Variants in ANKS1B observed in about 807,000 individuals in gnomAD.
ANKS1B encodes ankyrin repeat and sterile alpha motif domain-containing protein 1B.
A neutral mutation model predicts 148.3 loss-of-function variants in ANKS1B; 36 were observed. That is an observed-to-expected ratio of 0.24 (90% CI 0.19 to 0.32). The LOEUF (loss-of-function observed/expected upper bound fraction) is 0.32, where lower values mean the gene tolerates loss of function less well. Ranked by LOEUF, ANKS1B falls within the 10% of genes least tolerant of loss-of-function variation. The pLI is 1.00. For synonymous variants in ANKS1B, 542 were observed against 560.8 expected (o/e 0.97, Z 0.47); for missense variants, 1,157 against 1,542.6 (o/e 0.75, Z 4.19).
chr12:98,950,151 A>G (rs570856302), intron 17 of ANKS1B, among the ~76,000 whole-genome samples: 115 of 152,346 alleles, frequency 7.5e-4, no homozygotes, highest in Non-Finnish European at 1.1e-3. Context: ...AGTAACTCCC[A>G]AGGGTTCAAC....
At chr12:99,630,978 A>G (rs187821826) in intron 9 of ANKS1B, among the ~76,000 whole-genome samples, 30 of 152,270 alleles carry the variant, frequency 2.0e-4, no homozygotes, top group African/African-American at 6.7e-4. Context: ...ATGATAGTGA[A>G]TAAGTCTCAA....
At chr12:98,757,405 GGTTT>G (rs1467265738) in intron 25 of ANKS1B, among the ~76,000 whole-genome samples, 1 of 152,222 alleles carries the variant, frequency 6.6e-6, no homozygotes, top group Admixed American at 6.5e-5. Context: ...ATTTTGGGGT[GGTTT>G]ATTACGCAGC....
At chr12:99,593,094 A>C (rs756947731) in intron 9 of ANKS1B, among the ~76,000 whole-genome samples, 11 of 152,246 alleles carry the variant, frequency 7.2e-5, no homozygotes, top group Middle Eastern at 3.4e-3. Context: ...TCAGATTTAA[A>C]GAGTCTGTTC....
intron 14 of ANKS1B, among the ~76,000 whole-genome samples, chr12:99,238,501 AG>A (rs2088521392): frequency 6.6e-6 from 1 of 152,210 alleles, no homozygotes; most frequent in Non-Finnish European, 1.5e-5. Context: ...AAAAGGCAGC[AG>A]ACAGTTTCTG....
chr12:99,045,470 T>C (rs769136438), intron 17 of ANKS1B, among the ~76,000 whole-genome samples: 1 of 152,184 alleles, frequency 6.6e-6, no homozygotes, highest in Non-Finnish European at 1.5e-5. Flanking sequence ...CTCTAACCAC[T>C]GGTTGCAGTA....
intron 9 of ANKS1B, among the ~76,000 whole-genome samples, chr12:99,526,444 G>T (rs1476018814): frequency 6.6e-6 from 1 of 152,096 alleles, no homozygotes; most frequent in Non-Finnish European, 1.5e-5. Context: ...TCTAAAAAAT[G>T]CTAAATGCTG....
chr12:98,794,187 T>A (rs1196227632), intron 22 of ANKS1B, among the ~76,000 whole-genome samples: 1 of 151,092 alleles, frequency 6.6e-6, no homozygotes, highest in East Asian at 1.9e-4. Flanking sequence ...AGGCCAGGAG[T>A]TCGAGACCAG....
At chr12:99,443,576 C>T (rs1453071268) in intron 11 of ANKS1B, 97 bp downstream of exon 11, 5 of 1,301,580 alleles carry the variant, frequency 3.8e-6, no homozygotes, top group South Asian at 1.6e-5. Context: ...TGACATACCA[C>T]ATAAAACAGT....
At chr12:99,942,504 C>G (rs1334286503) in intron 1 of ANKS1B, among the ~76,000 whole-genome samples, 1 of 151,892 alleles carries the variant, frequency 6.6e-6, no homozygotes, top group African/African-American at 2.4e-5. Context: ...GGAACAATAG[C>G]TTGAGGGACA....
intron 15 of ANKS1B, among the ~76,000 whole-genome samples, chr12:99,134,490 G>A (rs1254590195): frequency 6.6e-6 from 1 of 152,010 alleles, no homozygotes; most frequent in Non-Finnish European, 1.5e-5. Context: ...GATGGAGGAG[G>A]AGATAGAGAA....
intron 19 of ANKS1B, among the ~76,000 whole-genome samples, chr12:98,819,119 T>C (rs949142559): frequency 2.6e-4 from 39 of 152,246 alleles, no homozygotes; most frequent in African/African-American, 9.4e-4. Flanking sequence ...GGATCACTGA[T>C]ATACTGAGTG....
intron 17 of ANKS1B, among the ~76,000 whole-genome samples, chr12:98,995,447 TA>T (rs952986995): frequency 1.3e-5 from 2 of 151,642 alleles, no homozygotes; most frequent in South Asian, 2.1e-4. Context: ...TTTAAAAAAT[TA>T]AAAAAAAGAG....
chr12:99,168,174 T>A (rs576290503), intron 14 of ANKS1B, among the ~76,000 whole-genome samples: 168 of 152,282 alleles, frequency 1.1e-3, no homozygotes, highest in Non-Finnish European at 1.6e-3. Flanking sequence ...AGGGTACACT[T>A]TAAATATATG....
chr12:99,625,667 C>T (rs2098105193), intron 9 of ANKS1B, among the ~76,000 whole-genome samples: 1 of 152,108 alleles, frequency 6.6e-6, no homozygotes, highest in African/African-American at 2.4e-5. Flanking sequence ...GATTTCCAGT[C>T]TTACCAACTT....
chr12:99,423,345 C>T (rs1009135356), intron 11 of ANKS1B, among the ~76,000 whole-genome samples: 19 of 152,004 alleles, frequency 1.2e-4, no homozygotes, highest in Non-Finnish European at 2.2e-4. Flanking sequence ...CAGATGTTGG[C>T]GAGGTTGTGG....
intron 1 of ANKS1B, among the ~76,000 whole-genome samples, chr12:99,931,197 C>A (rs7132513): frequency 6.6e-6 from 1 of 151,436 alleles, no homozygotes; most frequent in Non-Finnish European, 1.5e-5. Flanking sequence ...GTTGTGGGGT[C>A]GGGGGAGAGG....
intron 20 of ANKS1B, 141 bp downstream of exon 20, chr12:98,807,703 A>C: frequency 5.4e-6 from 3 of 551,148 alleles, no homozygotes; most frequent in Non-Finnish European, 9.5e-6. Context: ...ATGAAGTATA[A>C]TAGACAAAGA....
intron 12 of ANKS1B, among the ~76,000 whole-genome samples, chr12:99,254,009 A>C (rs1448488409): frequency 6.6e-6 from 1 of 152,216 alleles, no homozygotes; most frequent in African/African-American, 2.4e-5. Context: ...CAGAAGTGTC[A>C]AGGTCATGAA....
At chr12:99,673,254 G>C (rs902071940) in intron 8 of ANKS1B, among the ~76,000 whole-genome samples, 1 of 152,012 alleles carries the variant, frequency 6.6e-6, no homozygotes, top group African/African-American at 2.4e-5. Flanking sequence ...GACATACTCA[G>C]GCAAAATCTT....
Sources: gnomAD v4.1 joint callset for allele counts (sites outside exome capture counted in the v4.1 genomes callset) on GRCh38, gnomAD v4.1.1 for gene constraint, MANE v1.5 for transcripts, NCBI Gene and HGNC (gene_info 2026-07-23, HGNC 2026-07-21) for gene names.